Variants in ASCL3 observed in about 807,000 individuals in gnomAD.
ASCL3 encodes the protein achaete-scute homolog 3.
Under a neutral mutation model 2.3 loss-of-function variants are expected in ASCL3, and 1 was observed. The ratio of observed to expected loss-of-function variants is 0.44; its 90% CI spans 0.16 to 2.10. The LOEUF (loss-of-function observed/expected upper bound fraction) is 2.10, where lower values mean the gene tolerates loss of function less well. Among genes scored for constraint, ASCL3 ranks in the 30% most tolerant of loss-of-function variants. The pLI is 0.28. For missense variants in ASCL3, 243 were observed against 229.0 expected, an observed-to-expected ratio of 1.06 and a Z score of -0.40; for synonymous variants, 98 against 88.5, an observed-to-expected ratio of 1.11 and a Z score of -0.60.
intron 1 of ASCL3, among the ~76,000 whole-genome samples, chr11:8,941,228 G>A (rs992719361): frequency 1.3e-5 from 2 of 151,954 alleles, no homozygotes; most frequent in South Asian, 2.1e-4. Context: ...GTCTAATTGT[G>A]GGCCTCCATC....
chr11:8,940,167 G>A (rs1206389319), intron 1 of ASCL3, among the ~76,000 whole-genome samples: 1 of 150,842 alleles, frequency 6.6e-6, no homozygotes, highest in African/African-American at 2.4e-5. Context: ...TAGAGATGGG[G>A]TCTTGCCTTG....
In ASCL3 at chr11:8,937,945, G is replaced by C. The variant is rs371065334; in HGVS notation, c.217C>G (p.Pro73Ala). 4 of 1,613,912 alleles carry C rather than the reference G, an allele frequency of 2.5e-6. No homozygotes were observed. Among genetic ancestry groups the C allele is most frequent in the Middle Eastern group, 3.3e-4 (2 of 6,076 alleles). The part of the protein sequence containing the change: ...LILGNYSEPC[P>A]FSFPMPYPNY... ...GGATAAGGCATCGGGAAAGAGAAGGGGCAGGGTTCACTGTAATTTCCCAGG... is the reference window on the plus strand; with the variant it reads ...GGATAAGGCATCGGGAAAGAGAAGGCGCAGGGTTCACTGTAATTTCCCAGG... Residue 73 changes from proline (P) to alanine (A), a missense_variant, in exon 2 of 2, where the codon CCC becomes GCC. Physicochemically the swap from Pro to Ala is conservative, Grantham distance 27. Coordinates refer to ENST00000531618, the MANE Select transcript of ASCL3 (RefSeq NM_020646.3).
At chr11:8,939,332 C>T (rs918255189) in intron 1 of ASCL3, among the ~76,000 whole-genome samples, 9 of 151,902 alleles carry the variant, frequency 5.9e-5, no homozygotes, top group South Asian at 4.2e-4. Flanking sequence ...TCTGCCCCCC[C>T]GGGTTCAAGT....
rs1239471999 is a variant in ASCL3 at position 8,937,580 on chromosome 11, T to G, written c.*36A>C. 6.4e-7 allele frequency: 1 copy of G among 1,562,454 alleles called. No homozygotes were observed. Among genetic ancestry groups the G allele is most frequent in the Non-Finnish European group, 8.7e-7 (1 of 1,149,226 alleles). On this transcript the variant is annotated 3_prime_UTR_variant, in exon 2 of 2. Coordinates refer to ENST00000531618, the MANE Select transcript of ASCL3 (RefSeq NM_020646.3). ...GAATGATGCCGTAAGAGACCCCATT[T>G]TGTGATATTATTCATTTCTATTTGG...
intron 1 of ASCL3, among the ~76,000 whole-genome samples, chr11:8,942,262 G>A (rs117647347): frequency 0.02 from 3,063 of 152,182 alleles, 54 homozygotes; most frequent in Middle Eastern, 0.034. Context: ...CAATGTACTA[G>A]CATTTAAATA....
chr11:8,939,843 AT>A (rs1256649578), intron 1 of ASCL3, among the ~76,000 whole-genome samples: 1 of 152,210 alleles, frequency 6.6e-6, no homozygotes, highest in Non-Finnish European at 1.5e-5. Flanking sequence ...AATGTTCACT[AT>A]GGGACTCCTT....
chr11:8,939,754 G>T (rs111829358), intron 1 of ASCL3, among the ~76,000 whole-genome samples: 4,837 of 152,148 alleles, frequency 0.032, 238 homozygotes, highest in African/African-American at 0.11. Context: ...AACCTCAGAG[G>T]CATAGCCTTC....
chr11:8,937,948 A>G lies in ASCL3; in HGVS notation c.214T>C (p.Cys72Arg), dbSNP rs375622373. ...SLILGNYSEP[C>R]PFSFPMPYPN... ...TAAGGCATCGGGAAAGAGAAGGGGC[A>G]GGGTTCACTGTAATTTCCCAGGATA... Residue 72 changes from cysteine to arginine, a missense_variant, in exon 2 of 2, where the codon TGC becomes CGC. Cys to Arg is a radical substitution (Grantham distance 180). Transcript: ENST00000531618. The G allele has an allele frequency of 1.6e-5, 26 of 1,614,064 alleles. No individual in the cohort carries two copies. The African/African-American group carries it at 3.3e-4, about 21-fold the overall frequency.
Position 8,937,774 on chromosome 11 carries a change from T to C in ASCL3, c.388A>G (p.Ser130Gly). ...LPEEYLEKRL[S>G]KVETLRAAIK... is the part of the protein sequence containing the mutation. ...GCAGCTCTGAGGGTTTCCACTTTGC[T>C]GAGTCGCTTCTCCAAATACTCCTCT... Residue 130 changes from serine to glycine, a missense_variant, in exon 2 of 2, where the codon AGC becomes GGC. Physicochemically the swap from Ser to Gly is moderately conservative, Grantham distance 56. Coordinates refer to ENST00000531618, the MANE Select transcript of ASCL3 (RefSeq NM_020646.3). 1 of 1,614,126 alleles carries C rather than the reference T, an allele frequency of 6.2e-7. No homozygotes were observed. The highest frequency in any genetic ancestry group is 8.5e-7 in the Non-Finnish European group (1 of 1,179,992).
At chr11:8,942,892 C>A (rs561476087) in intron 1 of ASCL3, among the ~76,000 whole-genome samples, 94 bp downstream of exon 1, 26 of 152,230 alleles carry the variant, frequency 1.7e-4, no homozygotes, top group Non-Finnish European at 3.5e-4. Context: ...CGATAGCTGA[C>A]AAAATTCAGT....
Position 8,937,783 on chromosome 11 carries a change from T to C in ASCL3, c.379A>G (p.Lys127Glu). Residue 127 changes from lysine (K) to glutamate (E), a missense_variant, in exon 2 of 2, where the codon AAG (lysine) becomes GAG (glutamate). Transcript: ENST00000531618. Reference protein sequence around the residue: ...RHHLPEEYLEKRLSKVETLRA... With the variant: ...RHHLPEEYLEERLSKVETLRA... ...AGGGTTTCCACTTTGCTGAGTCGCT[T>C]CTCCAAATACTCCTCTGGCAGATGA... The C allele has an allele frequency of 6.2e-7, 1 of 1,614,052 alleles. No homozygotes were observed. Among genetic ancestry groups the C allele is most frequent in the South Asian group, 1.1e-5 (1 of 91,072 alleles).
chr11:8,938,721 CT>C (rs967975915), intron 1 of ASCL3, among the ~76,000 whole-genome samples: 5 of 151,526 alleles, frequency 3.3e-5, no homozygotes, highest in Admixed American at 1.3e-4. Flanking sequence ...TCCTTCCGTT[CT>C]TTTTCAATCC....
intron 1 of ASCL3, among the ~76,000 whole-genome samples, chr11:8,939,371 C>T (rs891072718): frequency 6.6e-6 from 1 of 152,036 alleles, no homozygotes; most frequent in Non-Finnish European, 1.5e-5. Context: ...TCCCAAGTAG[C>T]TGGGATTACA....
chr11:8,939,396 C>T (rs892942703), intron 1 of ASCL3, among the ~76,000 whole-genome samples: 7 of 151,898 alleles, frequency 4.6e-5, no homozygotes, highest in African/African-American at 9.7e-5. Flanking sequence ...CCCGCCACCA[C>T]GCCCAGCTAA....
intron 1 of ASCL3, among the ~76,000 whole-genome samples, chr11:8,940,028 A>T (rs2064698746): frequency 6.6e-6 from 1 of 152,032 alleles, no homozygotes; most frequent in Non-Finnish European, 1.5e-5. Context: ...GCCAGGCTGG[A>T]GTGCAGTAAT....
chr11:8,938,992 A>G (rs11042131), intron 1 of ASCL3, among the ~76,000 whole-genome samples: 1 of 151,196 alleles, frequency 6.6e-6, no homozygotes, highest in Non-Finnish European at 1.5e-5. Flanking sequence ...TTTTGTAGAG[A>G]CAGGGTCTTG....
chr11:8,941,257 T>A (rs1257336394), intron 1 of ASCL3, among the ~76,000 whole-genome samples: 2 of 151,988 alleles, frequency 1.3e-5, no homozygotes, highest in Non-Finnish European at 2.9e-5. Flanking sequence ...AAATATGGTG[T>A]TAATTTCTCA....
intron 1 of ASCL3, among the ~76,000 whole-genome samples, chr11:8,939,387 C>T (rs2064695812): frequency 6.6e-6 from 1 of 151,798 alleles, no homozygotes; most frequent in Non-Finnish European, 1.5e-5. Context: ...TTACAGGTGC[C>T]CGCCACCACG....
chr11:8,940,071 G>T (rs1419303721), intron 1 of ASCL3, among the ~76,000 whole-genome samples: 2 of 151,988 alleles, frequency 1.3e-5, no homozygotes, highest in Admixed American at 6.6e-5. Context: ...TCAAACTGCT[G>T]GGTTCAAGTG....
Sources: allele counts gnomAD v4.1 joint callset (sites outside exome capture counted in the v4.1 genomes callset), GRCh38; gene constraint gnomAD v4.1.1; transcripts MANE v1.5; gene names NCBI Gene and HGNC (gene_info 2026-07-23, HGNC 2026-07-21).